NBAS: variants seen among roughly 807,000 people sequenced by gnomAD.
NBAS encodes NAG/BC035112 fusion.
Under a neutral mutation model 302.5 loss-of-function variants are expected in NBAS, and 219 were observed. The observed-to-expected ratio is 0.72, with a 90% confidence interval of 0.65 to 0.81. NBAS has a LOEUF of 0.81. Among genes scored for constraint, NBAS ranks in the 30% least tolerant of loss-of-function variants. NBAS has a pLI of 0.00. For missense variants in NBAS, 2,932 were observed against 2,841.6 expected, an observed-to-expected ratio of 1.03 and a Z score of -0.72; for synonymous variants, 1,118 against 1,021.6, an observed-to-expected ratio of 1.09 and a Z score of -1.80.
At chr2:15,231,515 T>G (rs942313600) in intron 47 of NBAS, among the ~76,000 whole-genome samples, 5 of 152,066 alleles carry the variant, frequency 3.3e-5, no homozygotes, top group African/African-American at 1.2e-4. Context: ...AGCTTTTAGG[T>G]CCTCCTCTGA....
At chr2:14,814,438 G>A in the NBAS span, among the ~76,000 whole-genome samples, 2,262 of 152,330 alleles carry the variant, frequency 0.015, 65 homozygotes, top group African/African-American at 0.05. Flanking sequence ...AGCATGCCCT[G>A]GATGTGAGAC....
chr2:15,011,467 G>T, the NBAS span, among the ~76,000 whole-genome samples: 3 of 152,118 alleles, frequency 2.0e-5, no homozygotes, highest in African/African-American at 7.2e-5. Context: ...CTGTGTTTCA[G>T]ACCGGAGAAA....
At chr2:15,285,121 A>T (rs1197773540) in intron 42 of NBAS, among the ~76,000 whole-genome samples, 3 of 152,356 alleles carry the variant, frequency 2.0e-5, no homozygotes, top group Non-Finnish European at 4.4e-5. Flanking sequence ...ATTTGAACAT[A>T]TTACTGTGCT....
chr2:15,073,272 A>G, the NBAS span, among the ~76,000 whole-genome samples: 1 of 152,156 alleles, frequency 6.6e-6, no homozygotes, highest in South Asian at 2.1e-4. Flanking sequence ...TGAGATCAGG[A>G]GTTTGAGACC....
chr2:15,272,922 A>G (rs372448123), intron 44 of NBAS, among the ~76,000 whole-genome samples: 2 of 152,240 alleles, frequency 1.3e-5, no homozygotes, highest in African/African-American at 4.8e-5. Flanking sequence ...TGAATAATTT[A>G]AAATCACCTA....
At chr2:15,138,929 A>G in the NBAS span, among the ~76,000 whole-genome samples, 1 of 152,312 alleles carries the variant, frequency 6.6e-6, no homozygotes, top group South Asian at 2.1e-4. Context: ...AAAGAGAAAG[A>G]GAGGGTAGTC....
At chr2:15,274,230 C>A (rs1285417033) in intron 44 of NBAS, among the ~76,000 whole-genome samples, 1 of 152,220 alleles carries the variant, frequency 6.6e-6, no homozygotes, top group Non-Finnish European at 1.5e-5. Flanking sequence ...TCCACAACTA[C>A]TAATCTAGTG....
At chr2:15,207,404 C>G (rs552806541) in intron 48 of NBAS, among the ~76,000 whole-genome samples, 1 of 152,280 alleles carries the variant, frequency 6.6e-6, no homozygotes, top group East Asian at 1.9e-4. Flanking sequence ...TTGTCTCAGT[C>G]TCAATGAGAC....
At chr2:14,874,596 C>T in the NBAS span, among the ~76,000 whole-genome samples, 2 of 147,712 alleles carry the variant, frequency 1.4e-5, no homozygotes, top group African/African-American at 5.2e-5. Flanking sequence ...GCCAAGATGG[C>T]GCCACTGCAC....
intron 28 of NBAS, among the ~76,000 whole-genome samples, chr2:15,388,740 G>A (rs1283971780): frequency 6.6e-6 from 1 of 151,992 alleles, no homozygotes; most frequent in African/African-American, 2.4e-5. Flanking sequence ...CAATTCAAAT[G>A]TCCATCAACA....
intron 35 of NBAS, among the ~76,000 whole-genome samples, chr2:15,345,809 T>C (rs1359995035): frequency 6.6e-6 from 1 of 151,984 alleles, no homozygotes; most frequent in Non-Finnish European, 1.5e-5. Context: ...AAAACAGACA[T>C]ATAGACCAAA....
intron 49 of NBAS, among the ~76,000 whole-genome samples, chr2:15,187,531 C>T (rs559360521): frequency 6.6e-5 from 10 of 152,144 alleles, no homozygotes; most frequent in Admixed American, 3.9e-4. Flanking sequence ...TTGGGCTTCA[C>T]GTTGTTTCCT....
intron 23 of NBAS, among the ~76,000 whole-genome samples, chr2:15,418,079 A>G (rs1342043340): frequency 6.6e-6 from 1 of 152,146 alleles, no homozygotes; most frequent in Admixed American, 6.5e-5. Context: ...TGTCAAAATA[A>G]CCTTATTTTT....
chr2:15,501,493 C>T (rs1260654869), intron 11 of NBAS, among the ~76,000 whole-genome samples: 3 of 151,770 alleles, frequency 2.0e-5, no homozygotes, highest in African/African-American at 7.3e-5. Flanking sequence ...ATGACAATCA[C>T]TGTCTTGGCT....
chr2:14,870,442 G>GT, the NBAS span, among the ~76,000 whole-genome samples: 1 of 152,348 alleles, frequency 6.6e-6, no homozygotes. Flanking sequence ...GATTAGGGAA[G>GT]TTTATGTCTT....
the NBAS span, among the ~76,000 whole-genome samples, chr2:15,112,737 C>T: frequency 1.3e-4 from 3 of 23,928 alleles, no homozygotes; most frequent in Non-Finnish European, 2.6e-4. Context: ...ATTTGAAATT[C>T]TCAAAGGAAA....
chr2:14,830,853 A>T, the NBAS span, among the ~76,000 whole-genome samples: 13 of 152,312 alleles, frequency 8.5e-5, no homozygotes, highest in East Asian at 2.5e-3. Flanking sequence ...TAACTGTCTG[A>T]CAGCCAGCTC....
intron 38 of NBAS, among the ~76,000 whole-genome samples, chr2:15,325,138 A>T (rs1216954421): frequency 6.6e-6 from 1 of 152,206 alleles, no homozygotes; most frequent in African/African-American, 2.4e-5. Flanking sequence ...TTTGTAAACC[A>T]TACCTTTTAT....
the NBAS span, among the ~76,000 whole-genome samples, chr2:14,878,236 G>A: frequency 9.2e-5 from 14 of 152,300 alleles, no homozygotes; most frequent in Non-Finnish European, 1.9e-4. Flanking sequence ...GAAACTTAAT[G>A]GGGAATGTTC....
Sources: allele counts gnomAD v4.1 joint callset (sites outside exome capture counted in the v4.1 genomes callset), GRCh38; gene constraint gnomAD v4.1.1; transcripts MANE v1.5; gene names NCBI Gene and HGNC (gene_info 2026-07-23, HGNC 2026-07-21).